The following TENM3 variants were observed in gnomAD, a reference collection of about 807,000 sequenced individuals.
TENM3 encodes teneurin-3.
In TENM3, 63 loss-of-function variants were observed where a neutral mutation model predicts 255.1. The observed-to-expected ratio is 0.25, with a 90% CI of 0.20 to 0.30. TENM3 has a LOEUF of 0.30. TENM3 is among the 10% of genes least tolerant of loss of function. The probability of loss-of-function intolerance (pLI) is 1.00; values close to 1 mark genes in which losing one functional copy is unlikely to be tolerated. For missense variants in TENM3, 2,929 were observed against 3,461.1 expected (o/e 0.85, Z 3.86); for synonymous variants, 1,306 against 1,322.3 (o/e 0.99, Z 0.27).
At chr4:182,675,088 C>T (rs1467711057) in intron 7 of TENM3, among the ~76,000 whole-genome samples, 1 of 151,744 alleles carries the variant, frequency 6.6e-6, no homozygotes, top group Non-Finnish European at 1.5e-5. Flanking sequence ...GTTGGTCAGG[C>T]TGGTCCCGAA....
the TENM3 span, among the ~76,000 whole-genome samples, chr4:182,039,619 T>G: frequency 6.6e-6 from 1 of 152,120 alleles, no homozygotes; most frequent in East Asian, 1.9e-4. Flanking sequence ...TCTGTAGTGA[T>G]AGATATGCAC....
chr4:182,699,287 G>A (rs976014316), intron 12 of TENM3, among the ~76,000 whole-genome samples: 22 of 152,170 alleles, frequency 1.4e-4, no homozygotes, highest in Non-Finnish European at 3.1e-4. Flanking sequence ...TCAACTGGGA[G>A]CAATACATAA....
the TENM3 span, among the ~76,000 whole-genome samples, chr4:181,914,172 G>T: frequency 7.9e-5 from 12 of 152,200 alleles, no homozygotes; most frequent in Non-Finnish European, 1.6e-4. Flanking sequence ...AGACTTCAAA[G>T]TTCTCCCAAT....
chr4:181,983,254 C>T, the TENM3 span, among the ~76,000 whole-genome samples: 1 of 152,106 alleles, frequency 6.6e-6, no homozygotes, highest in East Asian at 1.9e-4. Flanking sequence ...CCCAGCACCA[C>T]AGACAGTATA....
intron 3 of TENM3, among the ~76,000 whole-genome samples, chr4:182,415,822 A>G (rs998911828): frequency 6.6e-6 from 1 of 152,122 alleles, no homozygotes; most frequent in Non-Finnish European, 1.5e-5. Flanking sequence ...AGTTTTTTCA[A>G]TTGTGACCTG....
chr4:182,576,434 T>C (rs1213758507), intron 3 of TENM3, among the ~76,000 whole-genome samples: 1 of 152,204 alleles, frequency 6.6e-6, no homozygotes, highest in Non-Finnish European at 1.5e-5. Flanking sequence ...GTAACTATAA[T>C]TTAACAGCAA....
At chr4:181,595,430 C>CAAA in the TENM3 span, among the ~76,000 whole-genome samples, 17 of 41,792 alleles carry the variant, frequency 4.1e-4, no homozygotes, top group African/African-American at 6.1e-4. Context: ...GACTCCATCC[C>CAAA]AAAAAAAAAA....
chr4:182,121,317 G>T, the TENM3 span, among the ~76,000 whole-genome samples: 7 of 152,108 alleles, frequency 4.6e-5, no homozygotes, highest in African/African-American at 1.7e-4. Context: ...CATTTTAAAA[G>T]GTGCACTCTG....
At chr4:182,570,829 C>CAAAAA in intron 3 of TENM3, among the ~76,000 whole-genome samples, 1 of 144,880 alleles carries the variant, frequency 6.9e-6, no homozygotes, top group Non-Finnish European at 1.5e-5. Flanking sequence ...GACTCTGTGT[C>CAAAAA]AAAAAAAAAA....
At chr4:182,466,147 G>A (rs897475497) in intron 3 of TENM3, among the ~76,000 whole-genome samples, 12 of 152,132 alleles carry the variant, frequency 7.9e-5, no homozygotes, top group Admixed American at 2.6e-4. Flanking sequence ...CATTCACTGG[G>A]TTTTTATGCA....
At chr4:182,533,650 A>G (rs536257331) in intron 3 of TENM3, among the ~76,000 whole-genome samples, 1 of 152,092 alleles carries the variant, frequency 6.6e-6, no homozygotes, top group South Asian at 2.1e-4. Context: ...AGTTTTTGCA[A>G]TATAAAAGGT....
intron 1 of TENM3, among the ~76,000 whole-genome samples, chr4:182,290,647 C>T (rs7698189): frequency 0.22 from 33,030 of 149,976 alleles, 4,032 homozygotes; most frequent in African/African-American, 0.33. Context: ...GGACTACAGG[C>T]GCCCGCCACC....
At chr4:182,077,693 A>C in the TENM3 span, among the ~76,000 whole-genome samples, 3 of 152,206 alleles carry the variant, frequency 2.0e-5, no homozygotes, top group African/African-American at 7.2e-5. Context: ...TATAGTGGCA[A>C]TCTAAGCAGA....
intron 20 of TENM3, among the ~76,000 whole-genome samples, chr4:182,752,991 G>A (rs1404543327): frequency 7.3e-6 from 1 of 136,598 alleles, no homozygotes; most frequent in Non-Finnish European, 1.5e-5. Flanking sequence ...CTGTCGCCCA[G>A]GCTGGAGAGC....
chr4:182,212,396 C>T (rs1165069785), intron 1 of TENM3, among the ~76,000 whole-genome samples: 1 of 152,164 alleles, frequency 6.6e-6, no homozygotes, highest in Non-Finnish European at 1.5e-5. Context: ...CACCAACAGG[C>T]AAGAACGCGC....
At chr4:182,223,517 A>G (rs1579791588) in intron 1 of TENM3, among the ~76,000 whole-genome samples, 1 of 152,310 alleles carries the variant, frequency 6.6e-6, no homozygotes, top group South Asian at 2.1e-4. Flanking sequence ...GGTTGATTAC[A>G]TGCTTACACC....
intron 3 of TENM3, among the ~76,000 whole-genome samples, chr4:182,412,412 G>T (rs1205019537): frequency 6.6e-6 from 1 of 152,086 alleles, no homozygotes; most frequent in Non-Finnish European, 1.5e-5. Context: ...TATTCAAAAT[G>T]TATATGCAAA....
intron 1 of TENM3, among the ~76,000 whole-genome samples, chr4:182,299,131 C>T (rs1329624609): frequency 6.6e-6 from 1 of 150,618 alleles, no homozygotes; most frequent in Non-Finnish European, 1.5e-5. Context: ...AATAATGGGG[C>T]ATTAAAAACA....
At chr4:181,503,457 T>G in the TENM3 span, among the ~76,000 whole-genome samples, 1 of 152,210 alleles carries the variant, frequency 6.6e-6, no homozygotes, top group South Asian at 2.1e-4. Context: ...CCATTTTTAT[T>G]TGTAGATTGC....
Sources: allele counts gnomAD v4.1 joint callset (sites outside exome capture counted in the v4.1 genomes callset), GRCh38; gene constraint gnomAD v4.1.1; transcripts MANE v1.5; gene names NCBI Gene and HGNC (gene_info 2026-07-23, HGNC 2026-07-21).